The following IYD variants were observed in gnomAD, a reference collection of about 807,000 sequenced individuals.
IYD encodes the protein iodotyrosine deiodinase 1.
A neutral mutation model predicts 28.4 loss-of-function variants in IYD; 25 were observed. That is an observed-to-expected ratio of 0.88 (90% CI 0.64 to 1.23). IYD has a LOEUF of 1.23. Among genes scored for constraint, IYD ranks in the 50% most tolerant of loss-of-function variants. The pLI is 0.00. For missense variants in IYD, 352 were observed against 357.9 expected (o/e 0.98, Z 0.13); for synonymous variants, 140 against 130.8 (o/e 1.07, Z -0.48).
In IYD at chr6:150,398,413, G is replaced by T. The variant is rs1778407637; in HGVS notation, c.*176G>T. On this transcript the variant is annotated 3_prime_UTR_variant, in exon 5 of 5. Coordinates refer to ENST00000344419, the MANE Select transcript of IYD (RefSeq NM_203395.3). ...CTCTCCACACTCTGTGGCACTTCCAGTCCCATAAATCCTGTTTCTTATCCA... is the reference window on the plus strand; with the variant it reads ...CTCTCCACACTCTGTGGCACTTCCATTCCCATAAATCCTGTTTCTTATCCA... 3 of 613,474 alleles carry T rather than the reference G, an allele frequency of 4.9e-6. No homozygotes were observed. The highest frequency in any genetic ancestry group is 2.9e-6 in the Non-Finnish European group (1 of 345,590). 38.0% of individuals were successfully genotyped at this position (613,474 alleles called of 1,614,324 possible).
intron 1 of IYD, among the ~76,000 whole-genome samples, 197 bp from the exon 2 acceptor site, chr6:150,389,155 C>T (rs537928995): frequency 6.6e-6 from 1 of 152,180 alleles, no homozygotes; most frequent in Non-Finnish European, 1.5e-5. Context: ...CACATGTGAG[C>T]CATTGCACCC....
intron 1 of IYD, among the ~76,000 whole-genome samples, chr6:150,378,104 C>A (rs368348988): frequency 5.9e-5 from 9 of 152,296 alleles, no homozygotes; most frequent in East Asian, 5.8e-4. Context: ...TACCTGAATT[C>A]CACCTGGAGA....
In IYD at chr6:150,377,716, G is replaced by C. The variant is rs115137117; in HGVS notation, c.178+8507G>C. Among the ~76,000 whole-genome samples the C allele has an allele frequency of 5.5e-3, 835 of 152,308 alleles. 3 individuals carry two copies. Among genetic ancestry groups the C allele is most frequent in the Non-Finnish European group, 9.0e-3 (615 of 68,030 alleles). ...AGTGCTGAATGGGTCTTAAGACTTA[G>C]TAACTTACCTTTCAAAGAGTTAAGG... On this transcript the variant is annotated intron_variant, in intron 1 of 4. Coordinates refer to ENST00000344419, the MANE Select transcript of IYD (RefSeq NM_203395.3).
Position 150,398,321 on chromosome 6 carries a change from C to A in IYD, c.*84C>A. On this transcript the variant is annotated 3_prime_UTR_variant, in exon 5 of 5. Coordinates refer to ENST00000344419, the MANE Select transcript of IYD (RefSeq NM_203395.3). ...CGCCTGCTCCTCTTGGGTCTCTTGG[C>A]TGCTCTTTCTCCAGGTGTCAGGTCC... 7.3e-7 allele frequency: 1 copy of A among 1,367,622 alleles called. No homozygotes were observed. Among genetic ancestry groups the A allele is most frequent in the Non-Finnish European group, 1.0e-6 (1 of 963,544 alleles). 84.7% of individuals were successfully genotyped at this position (1,367,622 alleles called of 1,614,324 possible). A position where few individuals can be genotyped will look rare whatever the true frequency, so the allele number is the denominator to read the frequency against.
intron 4 of IYD, chr6:150,395,261 A>G (rs1157316397): frequency 1.2e-5 from 8 of 659,964 alleles, no homozygotes; most frequent in Admixed American, 2.9e-5. Flanking sequence ...AGAAAACAAG[A>G]TTATAAGAGC....
At chr6:150,370,162 T>C (rs2115007146) in intron 1 of IYD, 1 of 652,376 alleles carries the variant, frequency 1.5e-6, no homozygotes, top group Admixed American at 2.3e-5. Context: ...GACATGTGAG[T>C]GTGTGTGAGT....
At chr6:150,390,078 GA>G (rs778037036) in intron 2 of IYD, among the ~76,000 whole-genome samples, 1 of 151,756 alleles carries the variant, frequency 6.6e-6, no homozygotes, top group South Asian at 2.1e-4. Context: ...TTCCACTGAG[GA>G]AAAAAAATCA....
Position 150,394,129 on chromosome 6 carries a change from T to C in IYD, c.561T>C (p.Thr187=). Residue 187 remains threonine (T), a synonymous_variant, in exon 4 of 5, where the codon ACT becomes ACC. Coordinates refer to ENST00000344419, the MANE Select transcript of IYD (RefSeq NM_203395.3). ...RTNWIKEYLD[T]APILILIFKQ... The stretch of plus-strand genomic sequence containing the variant: ...ACTGGATTAAAGAGTACTTGGATAC[T>C]GCCCCTATTTTGATTCTCATTTTCA... The C allele has an allele frequency of 5.0e-6, 8 of 1,614,210 alleles. No individual in the cohort carries two copies. Among genetic ancestry groups the C allele is most frequent in the Non-Finnish European group, 6.8e-6 (8 of 1,180,024 alleles).
intron 4 of IYD, among the ~76,000 whole-genome samples, chr6:150,394,808 C>T (rs1778249992): frequency 6.6e-6 from 1 of 152,202 alleles, no homozygotes; most frequent in South Asian, 2.1e-4. Flanking sequence ...AGTGCATTCA[C>T]TCCACAAATA....
chr6:150,390,231 A>G (rs1778061959), intron 2 of IYD, among the ~76,000 whole-genome samples: 1 of 152,220 alleles, frequency 6.6e-6, no homozygotes, highest in African/African-American at 2.4e-5. Flanking sequence ...CTATTGTCCA[A>G]TGTGAAAGGA....
At chr6:150,386,685 A>G (rs1777876455) in intron 1 of IYD, among the ~76,000 whole-genome samples, 1 of 152,140 alleles carries the variant, frequency 6.6e-6, no homozygotes. Flanking sequence ...TCTTGAGGTC[A>G]TGTAATGTAA....
chr6:150,370,367 G>A (rs545138082), intron 1 of IYD: 3 of 376,940 alleles, frequency 8.0e-6, no homozygotes, highest in Middle Eastern at 1.4e-3. Context: ...GCATGAGTGT[G>A]TGTGAGCATG....
intron 2 of IYD, among the ~76,000 whole-genome samples, chr6:150,390,475 A>G (rs1007195443): frequency 1.3e-5 from 2 of 152,168 alleles, no homozygotes; most frequent in African/African-American, 4.8e-5. Context: ...AATGGGTACA[A>G]AGTTAACTGG....
intron 1 of IYD, among the ~76,000 whole-genome samples, chr6:150,378,716 T>G (rs1451225417): frequency 6.6e-6 from 1 of 152,212 alleles, no homozygotes; most frequent in Non-Finnish European, 1.5e-5. Context: ...GTTCAACCAT[T>G]GTGGAAGTCA....
chr6:150,402,206 G>A lies in IYD; in HGVS notation c.*3969G>A, dbSNP rs189385836. ...CCTCCGAGACAATTACTTGCATGGG[G>A]TAACCCAGTAATACTGTGGGATGCA... is the stretch of plus-strand genomic sequence containing the variant. On this transcript the variant is annotated 3_prime_UTR_variant, in exon 5 of 5. Coordinates refer to ENST00000344419, the MANE Select transcript of IYD (RefSeq NM_203395.3). 1.3e-5 allele frequency: 2 copies of A among 152,334 alleles called. No individual in the cohort carries two copies. Among genetic ancestry groups the A allele is most frequent in the African/African-American group, 2.4e-5 (1 of 41,570 alleles). The allele number at this position is 152,334 out of a possible 1,614,324, so 9.4% of individuals were successfully genotyped here. A position where few individuals can be genotyped will look rare whatever the true frequency, so the allele number is the denominator to read the frequency against.
intron 1 of IYD, among the ~76,000 whole-genome samples, chr6:150,383,753 A>G (rs184755967): frequency 2.9e-3 from 426 of 146,326 alleles, no homozygotes; most frequent in Non-Finnish European, 4.5e-3. Flanking sequence ...GCTTGAGCCC[A>G]GGAGTTTGAG....
chr6:150,393,740 C>A (rs1318922611), intron 3 of IYD, among the ~76,000 whole-genome samples: 4 of 152,180 alleles, frequency 2.6e-5, no homozygotes, highest in African/African-American at 7.2e-5. Flanking sequence ...TTTTCTATAA[C>A]TGGGTGAACA....
At chr6:150,370,380 T>G in intron 1 of IYD, 17 of 504,138 alleles carry the variant, frequency 3.4e-5, no homozygotes, top group Non-Finnish European at 4.1e-5. Context: ...TGAGCATGCA[T>G]GAGTTTGTGT....
At chr6:150,386,440 A>C (rs1777864110) in intron 1 of IYD, among the ~76,000 whole-genome samples, 1 of 151,794 alleles carries the variant, frequency 6.6e-6, no homozygotes, top group African/African-American at 2.4e-5. Context: ...GGGCCATTAA[A>C]ATGTGTTGAG....
Sources: allele counts gnomAD v4.1 joint callset (sites outside exome capture counted in the v4.1 genomes callset), GRCh38; gene constraint gnomAD v4.1.1; transcripts MANE v1.5; gene names NCBI Gene and HGNC (gene_info 2026-07-23, HGNC 2026-07-21).